Variants in KLHL2 observed in about 807,000 individuals in gnomAD.
KLHL2 encodes kelch-like protein 2.
Under a neutral mutation model 75.8 loss-of-function variants are expected in KLHL2, and 15 were observed. The observed-to-expected ratio is 0.20, with a 90% CI of 0.13 to 0.30. The LOEUF (loss-of-function observed/expected upper bound fraction) is 0.30, where lower values mean the gene tolerates loss of function less well. Ranked by LOEUF, KLHL2 falls within the 10% of genes least tolerant of loss-of-function variation. The probability of loss-of-function intolerance (pLI) is 1.00; values close to 1 mark genes in which losing one functional copy is unlikely to be tolerated. For synonymous variants in KLHL2, 214 were observed against 251.9 expected (o/e 0.85, Z 1.42); for missense variants, 381 against 741.0 (o/e 0.51, Z 5.64).
chr4:165,208,023 G>A (rs1736946997), intron 1 of KLHL2, 121 bp downstream of exon 1: 2 of 602,166 alleles, frequency 3.3e-6, no homozygotes, highest in Non-Finnish European at 4.7e-6. Context: ...TGGGAGATGC[G>A]GGGCGTGACG....
chr4:165,207,953 C>T lies in KLHL2; in HGVS notation c.26+51C>T, dbSNP rs1255303329. The T allele has an allele frequency of 7.9e-7, 1 of 1,272,244 alleles. No individual in the cohort carries two copies. Among genetic ancestry groups the T allele is most frequent in the Non-Finnish European group, 9.9e-7 (1 of 1,007,392 alleles). 78.8% of individuals were successfully genotyped at this position (1,272,244 alleles called of 1,614,324 possible). On this transcript the variant is annotated intron_variant, in intron 1 of 14. Coordinates refer to ENST00000226725, the MANE Select transcript of KLHL2 (RefSeq NM_007246.4). This position sits in a 1 kb window ranked among gnomAD's most constrained non-coding sequence, Gnocchi z 4.2. ...GCCGCTGCGGATAAGCGCGCCGCTG[C>T]GGCGCGTGTCGCCGGCCGCGGGCGC...
chr4:165,262,566 G>A (rs1279963862), intron 4 of KLHL2, among the ~76,000 whole-genome samples: 1 of 151,956 alleles, frequency 6.6e-6, no homozygotes, highest in Non-Finnish European at 1.5e-5. Flanking sequence ...TAATTTACGG[G>A]CTTTTGTTGT....
chr4:165,308,687 G>A (rs1296211132), intron 9 of KLHL2, among the ~76,000 whole-genome samples: 1 of 152,192 alleles, frequency 6.6e-6, no homozygotes, highest in Non-Finnish European at 1.5e-5. Context: ...TATTTGTAGT[G>A]TTATTTTGTG....
rs535646627 is a variant in KLHL2 at position 165,293,521 on chromosome 4, C to T, written c.545-838C>T. 1.1e-4 allele frequency among the ~76,000 whole-genome samples: 16 copies of T among 147,314 alleles called. No homozygotes were observed. In the South Asian group the frequency reaches 2.6e-3, roughly 24 times the overall value. ...TCTCTTTTTTTTTTTTTTTCTGAGA[C>T]GGAGTCTTGCTCTGTCTGTCATCCA... On this transcript the variant is annotated intron_variant, in intron 5 of 14. Coordinates refer to ENST00000226725, the MANE Select transcript of KLHL2 (RefSeq NM_007246.4).
At chr4:165,242,645 C>G (rs1053123970) in intron 4 of KLHL2, among the ~76,000 whole-genome samples, 2 of 152,034 alleles carry the variant, frequency 1.3e-5, no homozygotes, top group African/African-American at 4.8e-5. Context: ...TACAGACATG[C>G]ACCATCACGC....
At chr4:165,308,431 AG>A (rs1038085060) in intron 9 of KLHL2, among the ~76,000 whole-genome samples, 3 of 152,174 alleles carry the variant, frequency 2.0e-5, no homozygotes, top group African/African-American at 4.8e-5. Context: ...TTCAGATTAG[AG>A]CCAATGTCCT....
At chr4:165,308,914 T>A (rs1307896986) in intron 9 of KLHL2, among the ~76,000 whole-genome samples, 1 of 152,176 alleles carries the variant, frequency 6.6e-6, no homozygotes, top group African/African-American at 2.4e-5. Context: ...TGGAAAGGTC[T>A]TGTTGCCATA....
At chr4:165,230,749 A>G (rs1418604546) in intron 3 of KLHL2, among the ~76,000 whole-genome samples, 1 of 152,026 alleles carries the variant, frequency 6.6e-6, no homozygotes, top group Non-Finnish European at 1.5e-5. Context: ...GAGATAGGAG[A>G]GCTTATTATG....
intron 3 of KLHL2, among the ~76,000 whole-genome samples, chr4:165,235,243 C>G (rs1339115644): frequency 6.6e-6 from 1 of 152,240 alleles, no homozygotes; most frequent in African/African-American, 2.4e-5. Flanking sequence ...CTCTGTCACC[C>G]AGGCTAGAGT....
intron 3 of KLHL2, among the ~76,000 whole-genome samples, chr4:165,230,892 T>G (rs1265386483): frequency 6.6e-6 from 1 of 152,266 alleles, no homozygotes; most frequent in African/African-American, 2.4e-5. Flanking sequence ...CTTTGCCTAA[T>G]GAAGGGAATG....
At chr4:165,263,805 GTTTTTTT>G (rs55901119) in intron 5 of KLHL2, among the ~76,000 whole-genome samples, 7,075 of 66,756 alleles carry the variant, frequency 0.11, 250 homozygotes, top group African/African-American at 0.27. Flanking sequence ...TTTTTACATT[GTTTTTTT>G]TTTTTTTTTT....
intron 4 of KLHL2, among the ~76,000 whole-genome samples, chr4:165,254,890 C>T (rs1579051411): frequency 1.3e-5 from 2 of 152,090 alleles, no homozygotes; most frequent in Non-Finnish European, 2.9e-5. Flanking sequence ...TCATCTTATG[C>T]GGGAGAGAGT....
chr4:165,218,233 A>G (rs1453966204), intron 1 of KLHL2, among the ~76,000 whole-genome samples: 4 of 151,672 alleles, frequency 2.6e-5, no homozygotes, highest in Admixed American at 2.6e-4. Flanking sequence ...GGATTGTATC[A>G]CTCTTTTGCA....
intron 5 of KLHL2, among the ~76,000 whole-genome samples, chr4:165,287,783 A>G (rs992922044): frequency 5.3e-5 from 8 of 152,068 alleles, no homozygotes; most frequent in Non-Finnish European, 8.8e-5. Context: ...TCATCTATTC[A>G]TACGCTTATT....
At chr4:165,253,287 G>C (rs1268307710) in intron 4 of KLHL2, among the ~76,000 whole-genome samples, 1 of 152,128 alleles carries the variant, frequency 6.6e-6, no homozygotes, top group Non-Finnish European at 1.5e-5. Flanking sequence ...AACCGCCTCG[G>C]CCTCCCAAAG....
chr4:165,278,950 A>G (rs770986008), intron 5 of KLHL2: 42 of 1,463,942 alleles, frequency 2.9e-5, no homozygotes, highest in Non-Finnish European at 3.9e-5. Context: ...AACTCCGAAC[A>G]TGTGGAAGAA....
intron 1 of KLHL2, among the ~76,000 whole-genome samples, chr4:165,213,399 T>A (rs35180362): frequency 0.2 from 30,839 of 151,324 alleles, 2,468 homozygotes; most frequent in Non-Finnish European, 0.23. Flanking sequence ...AAGATCATCA[T>A]GTGCTTTTAA....
chr4:165,271,874 C>A (rs138473742), intron 5 of KLHL2, among the ~76,000 whole-genome samples: 7 of 152,060 alleles, frequency 4.6e-5, no homozygotes, highest in Non-Finnish European at 7.4e-5. Flanking sequence ...AATGCAGGAG[C>A]CTTTTGTCTA....
At chr4:165,282,206 A>G (rs1277703115) in intron 5 of KLHL2, among the ~76,000 whole-genome samples, 2 of 152,242 alleles carry the variant, frequency 1.3e-5, no homozygotes, top group Non-Finnish European at 2.9e-5. Flanking sequence ...GCCTTTGAGC[A>G]TTACATTTTA....
Sources: allele counts gnomAD v4.1 joint callset (sites outside exome capture counted in the v4.1 genomes callset), GRCh38; gene constraint gnomAD v4.1.1; non-coding constraint Gnocchi (gnomAD v3.1); transcripts MANE v1.5; gene names NCBI Gene and HGNC (gene_info 2026-07-23, HGNC 2026-07-21).